The following BORCS5 variants were observed in gnomAD, a reference collection of about 807,000 sequenced individuals.
BORCS5 encodes BLOC-1 related complex subunit 5, also known as BLOC-1-related complex subunit 5.
BORCS5 carries 17 observed loss-of-function variants against 22.1 expected under a neutral mutation model. The ratio of observed to expected loss-of-function variants is 0.77; its 90% CI spans 0.53 to 1.15. The LOEUF (loss-of-function observed/expected upper bound fraction) is 1.15. Among genes scored for constraint, BORCS5 ranks in the 50% most tolerant of loss-of-function variants. BORCS5 has a pLI of 0.00. For synonymous variants in BORCS5, 117 were observed against 99.8 expected (o/e 1.17, Z -1.03); for missense variants, 247 against 253.2 (o/e 0.98, Z 0.17).
chr12:12,377,686 C>A (rs894314109), intron 2 of BORCS5, among the ~76,000 whole-genome samples: 1 of 152,040 alleles, frequency 6.6e-6, no homozygotes, highest in Admixed American at 6.6e-5. Flanking sequence ...TGTATGTAAA[C>A]CAAATGAGTA....
Position 12,445,253 on chromosome 12 carries a change from G to C in BORCS5, c.360+9468G>C, listed in dbSNP as rs533536408. ...GACAGTGTCTTGCCATATTGCCCAG[G>C]CTGGTCTTGAACTCCTGGCCTCAAG... On this transcript the variant is annotated intron_variant, in intron 3 of 3. Transcript: ENST00000314565. 4.7e-4 allele frequency among the ~76,000 whole-genome samples: 72 copies of C among 152,140 alleles called. 1 individual carries two copies. In the South Asian group the frequency reaches 7.7e-3, roughly 16 times the overall value.
Position 12,466,225 on chromosome 12 carries a change from C to A in BORCS5, c.*449C>A, listed in dbSNP as rs143751244. On this transcript the variant is annotated 3_prime_UTR_variant, in exon 4 of 4. Transcript: ENST00000314565. ...GTTTATGTGTGGTCAACTTGAAAAA[C>A]TAATTGAATCTAGGTCTCTGTATTG... is the stretch of plus-strand genomic sequence containing the variant. 6.4e-6 allele frequency: 1 copy of A among 156,808 alleles called. No homozygotes were observed. The highest frequency in any genetic ancestry group is 1.4e-5 in the Non-Finnish European group (1 of 71,260). 9.7% of individuals were successfully genotyped at this position (156,808 alleles called of 1,614,324 possible). A position where few individuals can be genotyped will look rare whatever the true frequency, so the allele number is the denominator to read the frequency against.
rs557903670 is a variant in BORCS5 at position 12,438,750 on chromosome 12, C to T, written c.360+2965C>T. ...TACTCCTGTTTTATCCATATCCCCACTCCCTGCCACCCTCAACTGTATATT... is the reference window on the plus strand; with the variant it reads ...TACTCCTGTTTTATCCATATCCCCATTCCCTGCCACCCTCAACTGTATATT... On this transcript the variant is annotated intron_variant, in intron 3 of 3. Transcript: ENST00000314565. 1.2e-4 allele frequency among the ~76,000 whole-genome samples: 18 copies of T among 152,316 alleles called. No homozygotes were observed. In the Middle Eastern group the frequency reaches 0.01, roughly 86 times the overall value.
intron 2 of BORCS5, among the ~76,000 whole-genome samples, chr12:12,403,881 T>G (rs551016356): frequency 6.6e-6 from 1 of 152,332 alleles, no homozygotes; most frequent in East Asian, 1.9e-4. Flanking sequence ...GATGGCAGGA[T>G]ATATTGTGTA....
intron 2 of BORCS5, among the ~76,000 whole-genome samples, chr12:12,407,923 T>C (rs907174635): frequency 6.6e-6 from 1 of 152,132 alleles, no homozygotes; most frequent in Admixed American, 6.5e-5. Context: ...TTGCCCAGGC[T>C]GGTCTCAAAC....
intron 2 of BORCS5, among the ~76,000 whole-genome samples, chr12:12,395,335 T>A (rs775415852): frequency 1.3e-5 from 2 of 151,728 alleles, no homozygotes; most frequent in African/African-American, 4.9e-5. Flanking sequence ...AGTGGTGTGA[T>A]CTCTGCCACT....
intron 2 of BORCS5, among the ~76,000 whole-genome samples, chr12:12,389,135 C>CTTTTTT: frequency 8.5e-6 from 1 of 117,874 alleles, no homozygotes; most frequent in Non-Finnish European, 1.7e-5. Flanking sequence ...CAAGTAAGTA[C>CTTTTTT]TTTTTTTTTT....
chr12:12,451,187 G>A (rs1441411277), intron 3 of BORCS5, among the ~76,000 whole-genome samples: 4 of 150,104 alleles, frequency 2.7e-5, no homozygotes, highest in Non-Finnish European at 4.4e-5. Context: ...TTTTAACAGT[G>A]ATAAAATATA....
intron 2 of BORCS5, among the ~76,000 whole-genome samples, chr12:12,391,866 TAAAAAAA>T (rs751674760): frequency 3.1e-5 from 2 of 64,342 alleles, no homozygotes; most frequent in African/African-American, 1.2e-4. Context: ...ACCCCGTCAC[TAAAAAAA>T]AAAAAAAAAA....
intron 1 of BORCS5, among the ~76,000 whole-genome samples, chr12:12,360,728 T>C (rs1213965253): frequency 6.6e-6 from 1 of 151,310 alleles, no homozygotes; most frequent in East Asian, 2.0e-4. Context: ...CGTTTTTGTT[T>C]GTTTGTTTTT....
intron 2 of BORCS5, among the ~76,000 whole-genome samples, chr12:12,406,500 G>C (rs955211449): frequency 1.3e-5 from 2 of 152,138 alleles, no homozygotes; most frequent in African/African-American, 4.8e-5. Context: ...TGCAAGAAGG[G>C]TTACCCCTTT....
chr12:12,359,562 A>G (rs1863228740), intron 1 of BORCS5, among the ~76,000 whole-genome samples: 1 of 151,450 alleles, frequency 6.6e-6, no homozygotes, highest in Non-Finnish European at 1.5e-5. Context: ...GGGTTTCACC[A>G]TGTTGGCCAG....
intron 2 of BORCS5, among the ~76,000 whole-genome samples, chr12:12,429,313 G>C (rs1942363723): frequency 6.6e-6 from 1 of 151,836 alleles, no homozygotes; most frequent in African/African-American, 2.4e-5. Context: ...TGGCACAAGA[G>C]GGTGATGGGA....
rs143381867 is a variant in BORCS5, at chr12:12,465,773, G to A, written c.588G>A (p.Leu196=). 1.9e-6 allele frequency: 3 copies of A among 1,611,080 alleles called. No homozygotes were observed. Among genetic ancestry groups the A allele is most frequent in the Non-Finnish European group, 2.5e-6 (3 of 1,179,106 alleles). Residue 196 remains leucine (L), a synonymous_variant, in exon 4 of 4, where the codon CTG becomes CTA. Coordinates refer to ENST00000314565, the MANE Select transcript of BORCS5 (RefSeq NM_058169.6). ...FSMKPDRELR[L] is the part of the protein sequence containing the mutation. ...TGAAGCCCGACCGCGAGCTCAGGCT[G>A]TAGCTGCTGCCCGGCCTGCCTGGGG... is the stretch of plus-strand genomic sequence containing the variant.
intron 2 of BORCS5, among the ~76,000 whole-genome samples, chr12:12,381,863 G>A (rs796862058): frequency 1.2e-4 from 18 of 151,478 alleles, no homozygotes; most frequent in Admixed American, 4.6e-4. Context: ...AATTGAGAGT[G>A]AGGTACTGAA....
At chr12:12,388,572 A>T (rs1245516841) in intron 2 of BORCS5, among the ~76,000 whole-genome samples, 1 of 151,182 alleles carries the variant, frequency 6.6e-6, no homozygotes, top group African/African-American at 2.4e-5. Flanking sequence ...TAATGAAACA[A>T]TTGTGTTAGT....
intron 2 of BORCS5, among the ~76,000 whole-genome samples, chr12:12,431,426 C>T (rs1196090917): frequency 1.5e-5 from 1 of 67,152 alleles, no homozygotes; most frequent in African/African-American, 5.6e-5. Flanking sequence ...TTTTTTGAGA[C>T]GGAGTCTTGC....
intron 2 of BORCS5, among the ~76,000 whole-genome samples, chr12:12,421,940 C>G (rs1942134430): frequency 6.6e-6 from 1 of 152,132 alleles, no homozygotes; most frequent in African/African-American, 2.4e-5. Context: ...ATTCTTCTCT[C>G]TTTTCTTCTT....
chr12:12,453,015 CA>C (rs1942939849), intron 3 of BORCS5, among the ~76,000 whole-genome samples: 1 of 152,148 alleles, frequency 6.6e-6, no homozygotes. Flanking sequence ...CAGCTAATAC[CA>C]TGAGTCAAAG....
Sources: gnomAD v4.1 joint callset for allele counts (sites outside exome capture counted in the v4.1 genomes callset) on GRCh38, gnomAD v4.1.1 for gene constraint, MANE v1.5 for transcripts, NCBI Gene and HGNC (gene_info 2026-07-23, HGNC 2026-07-21) for gene names.